The following ANK3 variants were observed in gnomAD, a reference collection of about 807,000 sequenced individuals.
The protein encoded by ANK3 is ankyrin 3, also known as ankyrin-3.
A neutral mutation model predicts 370.9 loss-of-function variants in ANK3; 57 were observed. The ratio of observed to expected loss-of-function variants is 0.15; its 90% CI spans 0.12 to 0.19. ANK3 has a LOEUF of 0.19. Ranked by LOEUF, ANK3 falls within the 10% of genes least tolerant of loss-of-function variation. ANK3 has a pLI of 1.00. For missense variants in ANK3, 4,439 were observed against 5,302.1 expected (o/e 0.84, Z 5.06); for synonymous variants, 1,929 against 1,946.3 (o/e 0.99, Z 0.23).
intron 12 of ANK3, among the ~76,000 whole-genome samples, chr10:60,201,046 G>A (rs1411797248): frequency 3.9e-5 from 6 of 152,216 alleles, no homozygotes; most frequent in Non-Finnish European, 5.9e-5. Context: ...TCTCACATAG[G>A]TGATGCTCAC....
intron 1 of ANK3, among the ~76,000 whole-genome samples, chr10:60,382,720 T>C (rs1306499089): frequency 6.6e-6 from 1 of 151,208 alleles, no homozygotes; most frequent in Admixed American, 6.6e-5. Flanking sequence ...TTCTTGAAAA[T>C]AAAATTTGAA....
intron 1 of ANK3, among the ~76,000 whole-genome samples, chr10:60,301,357 C>A (rs2043745419): frequency 6.9e-6 from 1 of 145,330 alleles, no homozygotes; most frequent in Admixed American, 6.8e-5. Flanking sequence ...CACACACATG[C>A]ACGCACAGAT....
chr10:60,188,014 G>A (rs995579567), intron 16 of ANK3, among the ~76,000 whole-genome samples: 2 of 152,038 alleles, frequency 1.3e-5, no homozygotes, highest in Non-Finnish European at 2.9e-5. Context: ...GATATTTAGT[G>A]GCACTCTTTT....
intron 2 of ANK3, among the ~76,000 whole-genome samples, chr10:60,435,903 C>T (rs2064143368): frequency 6.6e-6 from 1 of 151,932 alleles, no homozygotes; most frequent in Non-Finnish European, 1.5e-5. Flanking sequence ...ATCGAGACCG[C>T]GGTGAAACCC....
At chr10:60,240,907 G>A (rs951589675) in intron 7 of ANK3, among the ~76,000 whole-genome samples, 6 of 152,148 alleles carry the variant, frequency 3.9e-5, no homozygotes, top group Non-Finnish European at 7.4e-5. Flanking sequence ...TAATCCAAAC[G>A]TTAACAATTT....
Position 60,414,570 on chromosome 10 carries a change from A to G in ANK3, c.97-134931T>C, listed in dbSNP as rs543398636. On this transcript the variant is annotated intron_variant, in intron 2 of 43. Transcript: ENST00000373827. ...TTTGAGGGAGATCTCCTTTGGAGAT[A>G]GGGAAGGAAGCCATGGTGGAGGAAC... Among the ~76,000 whole-genome samples the G allele has an allele frequency of 2.0e-5, 3 of 152,310 alleles. No homozygotes were observed. The South Asian group carries it at 6.2e-4, about 32-fold the overall frequency.
intron 1 of ANK3, among the ~76,000 whole-genome samples, chr10:60,375,004 AAG>A (rs1056440625): frequency 3.9e-4 from 60 of 152,282 alleles, no homozygotes; most frequent in African/African-American, 1.2e-3. Flanking sequence ...AAACAAAAGA[AAG>A]AGAAGGGAGG....
At chr10:60,635,893 A>T (rs958575245) in intron 1 of ANK3, among the ~76,000 whole-genome samples, 1 of 152,200 alleles carries the variant, frequency 6.6e-6, no homozygotes, top group Non-Finnish European at 1.5e-5. Flanking sequence ...CACAAGCAGG[A>T]CAACTACTCT....
At position 60,072,800 on chromosome 10, in the gene ANK3, C is replaced by T; in HGVS notation, c.8081G>A (p.Ser2694Asn). ...ATCTGGTGCTTTGCTCTGTGAAATA[C>T]TTCCTTTGGCTTCCACTGTGGACTT... Reference protein sequence around the residue: ...DSKSTVEAKGSISQSKAPDGP... With the variant: ...DSKSTVEAKGNISQSKAPDGP... The change falls in exon 37 of 44, where the codon AGT (serine) becomes AAT (asparagine). Residue 2694 changes from serine to asparagine, a missense_variant. Physicochemically the swap from Ser to Asn is conservative, Grantham distance 46. Coordinates refer to ENST00000280772, the MANE Select transcript of ANK3 (RefSeq NM_020987.5). 2 of 1,614,124 alleles carry T rather than the reference C, an allele frequency of 1.2e-6. No individual in the cohort carries two copies. Among genetic ancestry groups the T allele is most frequent in the South Asian group, 1.1e-5 (1 of 91,084 alleles).
At chr10:60,562,766 GA>G (rs141420889) in intron 2 of ANK3, among the ~76,000 whole-genome samples, 5 of 151,450 alleles carry the variant, frequency 3.3e-5, no homozygotes, top group Non-Finnish European at 5.9e-5. Context: ...CTAACAGACA[GA>G]AAAAAAATGC....
At chr10:60,100,818 A>C (rs1316321121) in intron 28 of ANK3, among the ~76,000 whole-genome samples, 1 of 152,244 alleles carries the variant, frequency 6.6e-6, no homozygotes, top group Non-Finnish European at 1.5e-5. Context: ...GTTAAAACAA[A>C]ATAGATATGT....
chr10:60,137,014 G>C (rs2132198287), intron 24 of ANK3, among the ~76,000 whole-genome samples: 1 of 152,076 alleles, frequency 6.6e-6, no homozygotes, highest in Non-Finnish European at 1.5e-5. Context: ...ACAGAAACCA[G>C]CAAACAAACA....
At chr10:60,172,230 T>C in intron 21 of ANK3, 78 bp downstream of exon 21, 1 of 1,119,482 alleles carries the variant, frequency 8.9e-7, no homozygotes, top group Non-Finnish European at 1.3e-6. Context: ...TGGGAAAAAA[T>C]ATTCATCTCA....
intron 2 of ANK3, among the ~76,000 whole-genome samples, chr10:60,430,465 G>T (rs2132976364): frequency 8.1e-6 from 1 of 123,776 alleles, no homozygotes; most frequent in East Asian, 2.5e-4. Flanking sequence ...TCTATTCTCA[G>T]AATCTGCTCT....
At chr10:60,458,201 A>C (rs1567057289) in intron 2 of ANK3, among the ~76,000 whole-genome samples, 4 of 152,130 alleles carry the variant, frequency 2.6e-5, no homozygotes, top group Admixed American at 1.3e-4. Flanking sequence ...GATGGAAGTT[A>C]CTGGGAAATG....
chr10:60,423,421 C>CT (rs71015793), intron 2 of ANK3, among the ~76,000 whole-genome samples: 55,425 of 148,176 alleles, frequency 0.37, 10,494 homozygotes, highest in South Asian at 0.44. Flanking sequence ...GATTCTCCAT[C>CT]TTTTTTTTTT....
intron 43 of ANK3, among the ~76,000 whole-genome samples, chr10:60,039,111 G>A (rs2075656463): frequency 6.6e-6 from 1 of 152,232 alleles, no homozygotes; most frequent in Non-Finnish European, 1.5e-5. Context: ...GGACCATGAA[G>A]CATTTATTCA....
At chr10:60,642,880 C>A (rs1328485694) in intron 1 of ANK3, among the ~76,000 whole-genome samples, 1 of 151,250 alleles carries the variant, frequency 6.6e-6, no homozygotes, top group Non-Finnish European at 1.5e-5. Flanking sequence ...AACAGAGCTT[C>A]AAAATATTAT....
intron 23 of ANK3, among the ~76,000 whole-genome samples, chr10:60,142,132 A>G (rs1369538420): frequency 6.6e-6 from 1 of 152,116 alleles, no homozygotes; most frequent in East Asian, 1.9e-4. Flanking sequence ...TGTTCCTTCC[A>G]CTGACTTCTT....
Sources: gnomAD v4.1 joint callset for allele counts (sites outside exome capture counted in the v4.1 genomes callset) on GRCh38, gnomAD v4.1.1 for gene constraint, MANE v1.5 for transcripts, NCBI Gene and HGNC (gene_info 2026-07-23, HGNC 2026-07-21) for gene names.